The following ASH1L variants were observed in gnomAD, a reference collection of about 807,000 sequenced individuals.
ASH1L encodes the protein histone-lysine N-methyltransferase ASH1L.
Under a neutral mutation model 269.0 loss-of-function variants are expected in ASH1L, and 23 were observed. The observed-to-expected ratio is 0.09, with a 90% CI of 0.06 to 0.12. The LOEUF is 0.12. Among genes scored for constraint, ASH1L ranks in the 10% least tolerant of loss-of-function variants. The probability of loss-of-function intolerance (pLI) is 1.00; values close to 1 mark genes in which losing one functional copy is unlikely to be tolerated. For missense variants in ASH1L, 2,912 were observed against 3,567.8 expected (o/e 0.82, Z 4.68); for synonymous variants, 1,187 against 1,253.5 (o/e 0.95, Z 1.12).
intron 1 of ASH1L, among the ~76,000 whole-genome samples, chr1:155,548,515 T>C (rs1237998683): frequency 6.6e-6 from 1 of 152,162 alleles, no homozygotes; most frequent in Admixed American, 6.6e-5. Flanking sequence ...AGAGCCAGAC[T>C]CCGTATCAAA....
chr1:155,534,807 G>A (rs1039121038), intron 1 of ASH1L, among the ~76,000 whole-genome samples: 2 of 152,062 alleles, frequency 1.3e-5, no homozygotes, highest in Non-Finnish European at 2.9e-5. Flanking sequence ...GAACAATGAA[G>A]AACAATTCTT....
intron 5 of ASH1L, among the ~76,000 whole-genome samples, chr1:155,417,728 A>G (rs1425859681): frequency 2.0e-5 from 3 of 152,088 alleles, no homozygotes; most frequent in Non-Finnish European, 4.4e-5. Context: ...GGAGGCTGAG[A>G]CAGGCGGATC....
intron 12 of ASH1L, among the ~76,000 whole-genome samples, chr1:155,361,186 A>G (rs181502136): frequency 6.6e-6 from 1 of 152,218 alleles, no homozygotes; most frequent in East Asian, 1.9e-4. Flanking sequence ...GTTCAAGACC[A>G]GCCAGGCCAA....
chr1:155,381,818 T>G (rs1375599835), intron 7 of ASH1L, among the ~76,000 whole-genome samples: 1 of 150,324 alleles, frequency 6.7e-6, no homozygotes, highest in Non-Finnish European at 1.5e-5. Flanking sequence ...GAGGTAGAGG[T>G]GGAGGTTGCA....
intron 4 of ASH1L, among the ~76,000 whole-genome samples, chr1:155,454,671 G>A (rs1663750602): frequency 6.6e-6 from 1 of 152,180 alleles, no homozygotes; most frequent in South Asian, 2.1e-4. Flanking sequence ...GAGAGGCTGA[G>A]GCAGGAGAAT....
At chr1:155,562,991 G>A, upstream of ASH1L, 1 of 458,034 alleles carries the variant, frequency 2.2e-6, no homozygotes, top group Non-Finnish European at 4.4e-6. Flanking sequence ...GGGCAGGAGA[G>A]GAAGGGACGG....
intron 1 of ASH1L, among the ~76,000 whole-genome samples, chr1:155,559,970 T>C (rs1481227464): frequency 6.6e-6 from 1 of 152,212 alleles, no homozygotes; most frequent in Non-Finnish European, 1.5e-5. Context: ...TGCTATATTA[T>C]ATTCCCTTAT....
intron 1 of ASH1L, among the ~76,000 whole-genome samples, chr1:155,531,565 C>A (rs979197933): frequency 2.0e-5 from 3 of 152,042 alleles, no homozygotes; most frequent in African/African-American, 7.2e-5. Context: ...AATTATAAAA[C>A]TTAATCCAAG....
chr1:155,478,862 G>A lies in ASH1L; in HGVS notation c.4008C>T (p.Asp1336=). The A allele has an allele frequency of 6.2e-7, 1 of 1,613,928 alleles. No homozygotes were observed. ...SFYTHPSFPL[D]PLHYIRKPDL... is the part of the protein sequence containing the mutation. ...CAGGTTTTCGAATGTAGTGCAAAGG[G>A]TCTAAGGGGAAAGAAGGATGTGTAT... The change falls in exon 3 of 28, where the codon GAC becomes GAT. Residue 1336 remains aspartate (D), a synonymous_variant. Transcript: ENST00000392403. The surrounding 1 kb of genome is among the most constrained non-coding windows in gnomAD (Gnocchi z 4.6).
At chr1:155,431,792 T>C (rs561960474) in intron 5 of ASH1L, among the ~76,000 whole-genome samples, 8 of 152,082 alleles carry the variant, frequency 5.3e-5, no homozygotes, top group African/African-American at 1.9e-4. Flanking sequence ...CAGTTCTTTG[T>C]AGAAACGGTA....
At chr1:155,498,284 TA>T (rs934863622) in intron 2 of ASH1L, among the ~76,000 whole-genome samples, 5 of 150,734 alleles carry the variant, frequency 3.3e-5, no homozygotes, top group Admixed American at 6.6e-5. Flanking sequence ...TGCAGAAGAT[TA>T]AAAAAAAACT....
Position 155,349,053 on chromosome 1 carries a change from C to T in ASH1L, c.7554+274G>A, listed in dbSNP as rs183548027. On this transcript the variant is annotated intron_variant, in intron 19 of 27. Coordinates refer to ENST00000392403, the MANE Select transcript of ASH1L (RefSeq NM_018489.3). ...AATGTATTAAAATATCTATATAACG[C>T]AGTCATAAAGGTTTAATACTAAATT... Among the ~76,000 whole-genome samples, 60 of 151,910 alleles carry T rather than the reference C, an allele frequency of 3.9e-4. 1 individual carries two copies. Among genetic ancestry groups the T allele is most frequent in the Non-Finnish European group, 8.8e-5 (6 of 67,956 alleles).
At position 155,478,183 on chromosome 1, in the gene ASH1L, C is replaced by G; in HGVS notation, c.4687G>C (p.Glu1563Gln). The G allele has an allele frequency of 1.2e-6, 2 of 1,614,128 alleles. No homozygotes were observed. Among genetic ancestry groups the G allele is most frequent in the South Asian group, 1.1e-5 (1 of 91,080 alleles). Residue 1563 changes from glutamate (E) to glutamine (Q), a missense_variant, in exon 3 of 28, where the codon GAA (glutamate) becomes CAA (glutamine). Glu to Gln is a conservative substitution (Grantham distance 29). Transcript: ENST00000392403. This position sits in a 1 kb window ranked among gnomAD's most constrained non-coding sequence, Gnocchi z 4.6. ...EEQWVHREPSESSPLALGLQT... is the reference protein window; with the variant it reads ...EEQWVHREPSQSSPLALGLQT... ...AATCCCAAGGCCAATGGACTAGATT[C>G]TGAAGGCTCTCGGTGGACCCACTGT... is the stretch of plus-strand genomic sequence containing the variant.
At chr1:155,398,557 C>T (rs1239978935) in intron 6 of ASH1L, among the ~76,000 whole-genome samples, 1 of 152,032 alleles carries the variant, frequency 6.6e-6, no homozygotes, top group African/African-American at 2.4e-5. Context: ...ATGAATGGAC[C>T]TTGCAGGACT....
chr1:155,537,303 A>G (rs888489628), intron 1 of ASH1L, among the ~76,000 whole-genome samples: 1 of 152,124 alleles, frequency 6.6e-6, no homozygotes, highest in Admixed American at 6.5e-5. Context: ...AAACAAGAAG[A>G]GTATTTGGGT....
rs1429469469 is a variant in ASH1L, at chr1:155,341,957, G to T, written c.8439C>A (p.Leu2813=). 6.2e-7 allele frequency: 1 copy of T among 1,614,004 alleles called. No homozygotes were observed. The highest frequency in any genetic ancestry group is 8.5e-7 in the Non-Finnish European group (1 of 1,179,960). The part of the protein sequence containing the change: ...PYAFDHFPKK[L]TPKKDFSPHY... ...TCACCGAGAAATCTTTTTTGGGAGT[G>T]AGCTTCTTGGGGAAGTGATCAAAAG... Residue 2813 remains leucine (L), a synonymous_variant, in exon 25 of 28, where the codon CTC becomes CTA. Coordinates refer to ENST00000392403, the MANE Select transcript of ASH1L (RefSeq NM_018489.3).
At chr1:155,455,947 T>C (rs1179242814) in intron 4 of ASH1L, among the ~76,000 whole-genome samples, 1 of 152,178 alleles carries the variant, frequency 6.6e-6, no homozygotes, top group East Asian at 1.9e-4. Flanking sequence ...TTCCCGTACA[T>C]TGTTAAGTGT....
intron 2 of ASH1L, among the ~76,000 whole-genome samples, chr1:155,507,203 C>T (rs1291988734): frequency 2.6e-5 from 4 of 151,642 alleles, no homozygotes; most frequent in Admixed American, 6.6e-5. Context: ...TCGCTTGAAC[C>T]CAGGAGGTGG....
chr1:155,553,197 T>C (rs1263382443), intron 1 of ASH1L, among the ~76,000 whole-genome samples: 1 of 152,196 alleles, frequency 6.6e-6, no homozygotes, highest in East Asian at 1.9e-4. Context: ...CATTCATTAT[T>C]AAGACAACTA....
Sources: allele counts gnomAD v4.1 joint callset (sites outside exome capture counted in the v4.1 genomes callset), GRCh38; gene constraint gnomAD v4.1.1; non-coding constraint Gnocchi (gnomAD v3.1); transcripts MANE v1.5; gene names NCBI Gene and HGNC (gene_info 2026-07-23, HGNC 2026-07-21).